Variants in PCDHGA12 observed in about 807,000 individuals in gnomAD.
The protein encoded by PCDHGA12 is protocadherin gamma-A12.
A neutral mutation model predicts 61.1 loss-of-function variants in PCDHGA12; 43 were observed. The observed-to-expected ratio is 0.70, with a 90% CI of 0.55 to 0.91. PCDHGA12 has a LOEUF of 0.91. Among genes scored for constraint, PCDHGA12 ranks in the 40% least tolerant of loss-of-function variants. The pLI, the probability that PCDHGA12 is intolerant of heterozygous loss-of-function variation, is 0.00. For missense variants in PCDHGA12, 1,236 were observed against 1,227.7 expected, an observed-to-expected ratio of 1.01 and a Z score of -0.10; for synonymous variants, 520 against 542.9, an observed-to-expected ratio of 0.96 and a Z score of 0.59.
chr5:141,487,633 T>C lies in PCDHGA12; in HGVS notation c.2425-7174T>C. On this transcript the variant is annotated intron_variant, in intron 1 of 3. Transcript: ENST00000252085. The surrounding 1 kb of genome is among the most constrained non-coding windows in gnomAD (Gnocchi z 5.0). ...GGCTAGAGGTGAGACCTTTGCAGGCTCAACAAATGCTTGAGGGTTATTCTG... is the reference window on the plus strand; with the variant it reads ...GGCTAGAGGTGAGACCTTTGCAGGCCCAACAAATGCTTGAGGGTTATTCTG... 3 of 1,614,164 alleles carry C rather than the reference T, an allele frequency of 1.9e-6. No individual in the cohort carries two copies. The highest frequency in any genetic ancestry group is 2.7e-5 in the African/African-American group (2 of 75,052).
chr5:141,482,574 A>C (rs1294997781), intron 1 of PCDHGA12, among the ~76,000 whole-genome samples: 2 of 151,592 alleles, frequency 1.3e-5, no homozygotes, highest in Non-Finnish European at 2.9e-5. Context: ...GCATAGCATA[A>C]GATGCAGTGG....
intron 1 of PCDHGA12, among the ~76,000 whole-genome samples, chr5:141,466,554 G>A (rs2099125028): frequency 6.6e-6 from 1 of 152,068 alleles, no homozygotes. Flanking sequence ...TTTGCTGTGG[G>A]CTTCATCTTC....
At chr5:141,450,829 A>T (rs187691791) in intron 1 of PCDHGA12, among the ~76,000 whole-genome samples, 19,077 of 135,014 alleles carry the variant, frequency 0.14, 1,595 homozygotes, top group African/African-American at 0.24. Context: ...TATTATTATT[A>T]TTTTTTTTTT....
Position 141,477,012 on chromosome 5 carries a change from T to C in PCDHGA12, c.2425-17795T>C. The C allele has an allele frequency of 6.2e-7, 1 of 1,614,186 alleles. No homozygotes were observed. Among genetic ancestry groups the C allele is most frequent in the Non-Finnish European group, 8.5e-7 (1 of 1,180,026 alleles). On this transcript the variant is annotated intron_variant, in intron 1 of 3. Coordinates refer to ENST00000252085, the MANE Select transcript of PCDHGA12 (RefSeq NM_003735.3). The surrounding 1 kb of genome is among the most constrained non-coding windows in gnomAD (Gnocchi z 4.9). The stretch of plus-strand genomic sequence containing the variant: ...GTGCGGCAACTATTCGCCTTAGACC[T>C]TGTAACCGGGATGCTGACAATCAAG...
intron 1 of PCDHGA12, among the ~76,000 whole-genome samples, chr5:141,445,582 T>C (rs886701142): frequency 6.6e-6 from 1 of 152,214 alleles, no homozygotes; most frequent in Non-Finnish European, 1.5e-5. Context: ...TAGGGAAGCT[T>C]CGCCTAATCT....
chr5:141,501,288 T>TACAC (rs1562199973), intron 2 of PCDHGA12, among the ~76,000 whole-genome samples: 2 of 81,228 alleles, frequency 2.5e-5, no homozygotes, highest in Admixed American at 1.6e-4. Flanking sequence ...GATATTCCCT[T>TACAC]ATACACACAC....
chr5:141,486,552 A>C lies in PCDHGA12; in HGVS notation c.2425-8255A>C. The C allele has an allele frequency of 6.2e-7, 1 of 1,614,136 alleles. No individual in the cohort carries two copies. The highest frequency in any genetic ancestry group is 1.1e-5 in the South Asian group (1 of 91,082). On this transcript the variant is annotated intron_variant, in intron 1 of 3. Coordinates refer to ENST00000252085, the MANE Select transcript of PCDHGA12 (RefSeq NM_003735.3). This position sits in a 1 kb window ranked among gnomAD's most constrained non-coding sequence, Gnocchi z 5.0. The stretch of plus-strand genomic sequence containing the variant: ...CCACCCTCTTTCTTTCAGAGGTCAC[A>C]TGAGGTGTTTGTTCCTGAGAACAAT...
At chr5:141,445,553 A>G (rs948468877) in intron 1 of PCDHGA12, among the ~76,000 whole-genome samples, 1 of 152,252 alleles carries the variant, frequency 6.6e-6, no homozygotes, top group Non-Finnish European at 1.5e-5. Context: ...ATACAAAAGC[A>G]CTAAGAGAAA....
rs2154584583 is a variant in PCDHGA12, at chr5:141,490,717, A to G, written c.2425-4090A>G. The G allele has an allele frequency of 6.2e-7, 1 of 1,613,972 alleles. No individual in the cohort carries two copies. Among genetic ancestry groups the G allele is most frequent in the Non-Finnish European group, 8.5e-7 (1 of 1,179,936 alleles). On this transcript the variant is annotated intron_variant, in intron 1 of 3. Coordinates refer to ENST00000252085, the MANE Select transcript of PCDHGA12 (RefSeq NM_003735.3). The surrounding 1 kb of genome is among the most constrained non-coding windows in gnomAD (Gnocchi z 5.4). ...GGATAATGCCCGCCTCACCTACTCC[A>G]TTGTAGGAAATCAGGTTCAGGGAGC...
chr5:141,437,881 G>A (rs1317504695), intron 1 of PCDHGA12, among the ~76,000 whole-genome samples: 4 of 152,026 alleles, frequency 2.6e-5, no homozygotes, highest in Admixed American at 2.6e-4. Flanking sequence ...GGGACTACAG[G>A]CACACGCCAC....
chr5:141,465,918 C>T lies in PCDHGA12; in HGVS notation c.2425-28889C>T, dbSNP rs34980831. On this transcript the variant is annotated intron_variant, in intron 1 of 3. Transcript: ENST00000252085. ...CGGGCAAATCACGAGGTCAGGATTT[C>T]GAGTCCATCCTGGCTAACATGGTGA... 2.0e-3 allele frequency among the ~76,000 whole-genome samples: 307 copies of T among 152,144 alleles called. 1 individual carries two copies. Among genetic ancestry groups the T allele is most frequent in the Middle Eastern group, 0.01 (3 of 294 alleles).
chr5:141,475,908 A>G (rs531350638), intron 1 of PCDHGA12: 110 of 585,688 alleles, frequency 1.9e-4, no homozygotes, highest in Non-Finnish European at 2.5e-4. Context: ...CTGTCGGCCA[A>G]TGAAGACGCT....
At chr5:141,478,332 G>A (rs773442842) in intron 1 of PCDHGA12, 1 of 1,613,924 alleles carries the variant, frequency 6.2e-7, no homozygotes, top group Non-Finnish European at 8.5e-7. Context: ...CGAACACCAG[G>A]GCCCTCCTTG....
At chr5:141,447,549 A>T (rs1387130901) in intron 1 of PCDHGA12, among the ~76,000 whole-genome samples, 1 of 152,216 alleles carries the variant, frequency 6.6e-6, no homozygotes, top group Non-Finnish European at 1.5e-5. Context: ...TAATGTTATG[A>T]GTACACTTGG....
Position 141,476,641 on chromosome 5 carries a change from C to A in PCDHGA12, c.2425-18166C>A, listed in dbSNP as rs1183948220. The A allele has an allele frequency of 1.2e-6, 2 of 1,614,256 alleles. No homozygotes were observed. The highest frequency in any genetic ancestry group is 1.7e-5 in the Admixed American group (1 of 60,030). On this transcript the variant is annotated intron_variant, in intron 1 of 3. Transcript: ENST00000252085. This position sits in a 1 kb window ranked among gnomAD's most constrained non-coding sequence, Gnocchi z 7.6. ...ACTCTTTACAAACCTATGAGCTGAG[C>A]CGAAATGAATACTTTGCGCTTCGCG... is the stretch of plus-strand genomic sequence containing the variant.
At chr5:141,478,545 A>C in intron 1 of PCDHGA12, 1 of 1,605,606 alleles carries the variant, frequency 6.2e-7, no homozygotes, top group Non-Finnish European at 8.5e-7. Flanking sequence ...CCTCCCGGAC[A>C]GGTAAGGTTT....
chr5:141,496,523 G>T (rs1159517569), intron 2 of PCDHGA12, among the ~76,000 whole-genome samples: 1 of 152,128 alleles, frequency 6.6e-6, no homozygotes, highest in Non-Finnish European at 1.5e-5. Context: ...GGAGCCCTTG[G>T]TGTATGGCAG....
chr5:141,458,340 G>C (rs4551132), intron 1 of PCDHGA12, among the ~76,000 whole-genome samples: 42,372 of 151,882 alleles, frequency 0.28, 6,646 homozygotes, highest in African/African-American at 0.43. Context: ...TTTAAGGAGT[G>C]GAGAGTTTAA....
In PCDHGA12 at chr5:141,485,944, G is replaced by A; in HGVS notation, c.2425-8863G>A. 1.2e-6 allele frequency: 2 copies of A among 1,614,116 alleles called. No homozygotes were observed. The highest frequency in any genetic ancestry group is 1.7e-6 in the Non-Finnish European group (2 of 1,180,020). ...TTAGTGTGTTGGAGAGCGCACCAGC[G>A]GGCATGGTGCTCATCCAGCTCAATG... On this transcript the variant is annotated intron_variant, in intron 1 of 3. Coordinates refer to ENST00000252085, the MANE Select transcript of PCDHGA12 (RefSeq NM_003735.3). This position sits in a 1 kb window ranked among gnomAD's most constrained non-coding sequence, Gnocchi z 5.7.
Sources: gnomAD v4.1 joint callset for allele counts (sites outside exome capture counted in the v4.1 genomes callset) on GRCh38, gnomAD v4.1.1 for gene constraint, Gnocchi (gnomAD v3.1) non-coding constraint, MANE v1.5 for transcripts, NCBI Gene and HGNC (gene_info 2026-07-23, HGNC 2026-07-21) for gene names.